UTP4: variants seen among roughly 807,000 people sequenced by gnomAD.
UTP4 encodes UTP4 small subunit processome component.
Under a neutral mutation model 82.4 loss-of-function variants are expected in UTP4, and 45 were observed. The observed-to-expected ratio is 0.55, with a 90% CI of 0.43 to 0.70. UTP4 has a LOEUF of 0.70. Ranked by LOEUF, UTP4 falls within the 30% of genes least tolerant of loss-of-function variation. The probability of loss-of-function intolerance (pLI) is 0.00; values close to 1 mark genes in which losing one functional copy is unlikely to be tolerated. For synonymous variants in UTP4, 348 were observed against 300.3 expected (o/e 1.16, Z -1.64); for missense variants, 819 against 858.3 (o/e 0.95, Z 0.57).
chr16:69,140,790 TGCAGATCCTA>T (rs1962939368), intron 5 of UTP4, among the ~76,000 whole-genome samples: 1 of 152,198 alleles, frequency 6.6e-6, no homozygotes, highest in Admixed American at 6.5e-5. Context: ...TATCTATCAC[TGCAGATCCTA>T]GCATGCTTTT....
At chr16:69,156,403 C>G (rs1277225872) in intron 11 of UTP4, among the ~76,000 whole-genome samples, 2 of 150,912 alleles carry the variant, frequency 1.3e-5, no homozygotes, top group African/African-American at 4.9e-5. Flanking sequence ...GTGATTCACC[C>G]GCCTCAGCCT....
chr16:69,148,641 C>G (rs547211162), intron 6 of UTP4, among the ~76,000 whole-genome samples: 5 of 145,112 alleles, frequency 3.4e-5, no homozygotes, highest in Non-Finnish European at 6.0e-5. Context: ...GAGACACGGT[C>G]TTGCTCTGTC....
intron 6 of UTP4, 78 bp downstream of exon 6, chr16:69,143,467 C>A: frequency 8.0e-7 from 1 of 1,251,346 alleles, no homozygotes; most frequent in East Asian, 2.4e-5. Context: ...AGTGACGTGC[C>A]ATGAACACTG....
chr16:69,166,948 G>T, intron 15 of UTP4, 127 bp from the exon 16 acceptor site: 2 of 702,272 alleles, frequency 2.8e-6, no homozygotes, highest in African/African-American at 1.8e-5. Flanking sequence ...ATTAACGAAT[G>T]TCAGGGAGGT....
chr16:69,158,520 CAGG>C (rs1963481933), intron 12 of UTP4, among the ~76,000 whole-genome samples: 1 of 152,058 alleles, frequency 6.6e-6, no homozygotes, highest in Admixed American at 6.6e-5. Flanking sequence ...CAGAAGCCTA[CAGG>C]AGAAGAAACC....
intron 15 of UTP4, chr16:69,166,773 A>G: frequency 2.7e-6 from 1 of 376,468 alleles, no homozygotes; most frequent in Non-Finnish European, 4.9e-6. Context: ...GGGCCCTTTG[A>G]TCTTGCTGCA....
chr16:69,137,719 T>G, intron 3 of UTP4, 82 bp from the exon 4 acceptor site: 1 of 796,146 alleles, frequency 1.3e-6, no homozygotes, highest in Non-Finnish European at 2.3e-6. Context: ...AGAGAGTGTG[T>G]GTTGGGGGGT....
Position 69,148,940 on chromosome 16 carries a change from GT to G in UTP4, c.739-1590del, listed in dbSNP as rs1167978708. Among the ~76,000 whole-genome samples, 5 of 151,858 alleles carry G rather than the reference GT, an allele frequency of 3.3e-5. No individual in the cohort carries two copies. The East Asian group carries it at 7.7e-4, about 23-fold the overall frequency. Reference sequence around the variant, plus strand: ...TTGGGTTTTTTGTGTTGTGAGTTGTGTTTTTTTGTTTTGTTTTGTTTTTTCT... The same window carrying G: ...TTGGGTTTTTTGTGTTGTGAGTTGTGTTTTTTGTTTTGTTTTGTTTTTTCT... On this transcript the variant is annotated intron_variant, in intron 6 of 16. Coordinates refer to ENST00000314423, the MANE Select transcript of UTP4 (RefSeq NM_032830.3).
At chr16:69,164,607 T>TATATATATCTGTATATAG (rs1963653833) in intron 14 of UTP4, among the ~76,000 whole-genome samples, 1 of 139,146 alleles carries the variant, frequency 7.2e-6, no homozygotes, top group African/African-American at 2.6e-5. Flanking sequence ...TATATATATA[T>TATATATATCTGTATATAG]ATATATATGT....
intron 4 of UTP4, among the ~76,000 whole-genome samples, chr16:69,138,854 T>C (rs1467186387): frequency 6.6e-6 from 1 of 152,186 alleles, no homozygotes; most frequent in East Asian, 1.9e-4. Context: ...GGCCACAGTT[T>C]GGTGACCCAT....
rs1020418517 is a variant in UTP4 at position 69,165,272 on chromosome 16, G to A, written c.1648-69G>A. 6.9e-6 allele frequency: 9 copies of A among 1,305,484 alleles called. No individual in the cohort carries two copies. The African/African-American group carries it at 1.0e-4, about 15-fold the overall frequency. 80.9% of individuals were successfully genotyped at this position (1,305,484 alleles called of 1,614,324 possible). On this transcript the variant is annotated intron_variant, in intron 14 of 16. Transcript: ENST00000314423. Reference sequence around the variant, plus strand: ...GCTTTGTATAGATACTTTCTGGTTAGGGATGAGAATGCCCTTCTGGTCTTT... The same window carrying A: ...GCTTTGTATAGATACTTTCTGGTTAAGGATGAGAATGCCCTTCTGGTCTTT...
chr16:69,143,661 G>A (rs191849871), intron 6 of UTP4, among the ~76,000 whole-genome samples: 218 of 152,276 alleles, frequency 1.4e-3, no homozygotes, highest in Non-Finnish European at 2.6e-3. Context: ...ATTGTAGATA[G>A]GGCACAGCAG....
chr16:69,163,888 T>TTG lies in UTP4; in HGVS notation c.1647+711_1647+712insGT, dbSNP rs1427291618. Among the ~76,000 whole-genome samples, 61 of 139,976 alleles carry TTG rather than the reference T, an allele frequency of 4.4e-4. 1 individual carries two copies. The highest frequency in any genetic ancestry group is 5.5e-4 in the Non-Finnish European group (34 of 62,254). 91.8% of individuals were successfully genotyped at this position (139,976 alleles called of 152,430 possible). ...TACTGCTTTGATGGTCAGTTTGTTT[T>TTG]TTTTTTTTTTTTTTTGAGACAGAGT... On this transcript the variant is annotated intron_variant, in intron 14 of 16. Transcript: ENST00000314423.
At chr16:69,139,964 A>G (rs781149132) in intron 5 of UTP4, 50 bp downstream of exon 5, 14 of 1,343,356 alleles carry the variant, frequency 1.0e-5, no homozygotes, top group Non-Finnish European at 1.5e-5. Context: ...TCAGATTCAC[A>G]TTTCTGAGTT....
chr16:69,143,259 T>C lies in UTP4; in HGVS notation c.608T>C (p.Phe203Ser). 6.2e-7 allele frequency: 1 copy of C among 1,614,212 alleles called. No homozygotes were observed. The highest frequency in any genetic ancestry group is 8.5e-7 in the Non-Finnish European group (1 of 1,180,034). Reference sequence around the variant, plus strand: ...AAGTGCATCGTGTGGGGTGTCGCCTTCTTGTCCGATGGCACTATCATAAGT... The same window carrying C: ...AAGTGCATCGTGTGGGGTGTCGCCTCCTTGTCCGATGGCACTATCATAAGT... Reference protein sequence around the residue: ...KRKCIVWGVAFLSDGTIISVD... With the variant: ...KRKCIVWGVASLSDGTIISVD... The change falls in exon 6 of 17, where the codon TTC becomes TCC. Residue 203 changes from phenylalanine (F) to serine (S), a missense_variant. By Grantham distance (155) the Phe-to-Ser change is radical. Coordinates refer to ENST00000314423, the MANE Select transcript of UTP4 (RefSeq NM_032830.3).
chr16:69,143,071 T>C (rs1216878590), intron 5 of UTP4, 107 bp from the exon 6 acceptor site: 1 of 1,144,602 alleles, frequency 8.7e-7, no homozygotes, highest in Non-Finnish European at 1.3e-6. Context: ...TTGCCTAGGC[T>C]GGCCTTAAAC....
intron 16 of UTP4, among the ~76,000 whole-genome samples, chr16:69,168,559 G>GT (rs371314597): frequency 4.0e-5 from 6 of 151,836 alleles, no homozygotes; most frequent in African/African-American, 1.2e-4. Flanking sequence ...CAGGGCTTCA[G>GT]TGCACGTTGA....
chr16:69,156,659 A>C (rs1963423557), intron 11 of UTP4, among the ~76,000 whole-genome samples: 1 of 150,588 alleles, frequency 6.6e-6, no homozygotes, highest in Non-Finnish European at 1.5e-5. Flanking sequence ...GGGTTTCACC[A>C]CGTTGGCCAG....
At chr16:69,164,153 G>A (rs566793410) in intron 14 of UTP4, among the ~76,000 whole-genome samples, 3 of 152,052 alleles carry the variant, frequency 2.0e-5, no homozygotes, top group South Asian at 4.2e-4. Context: ...CAAAGTGCTG[G>A]GATTACAGGC....
Sources: allele counts gnomAD v4.1 joint callset (sites outside exome capture counted in the v4.1 genomes callset), GRCh38; gene constraint gnomAD v4.1.1; transcripts MANE v1.5; gene names NCBI Gene and HGNC (gene_info 2026-07-23, HGNC 2026-07-21).